ADAMTS16: variants seen among roughly 807,000 people sequenced by gnomAD.
ADAMTS16 encodes the protein ADAM metallopeptidase with thrombospondin type 1 motif 16, also known as A disintegrin and metalloproteinase with thrombospondin motifs 16.
Under a neutral mutation model 145.8 loss-of-function variants are expected in ADAMTS16, and 94 were observed. The ratio of observed to expected loss-of-function variants is 0.64; its 90% confidence interval spans 0.55 to 0.77. The LOEUF is 0.77. Ranked by LOEUF, ADAMTS16 falls within the 30% of genes least tolerant of loss-of-function variation. ADAMTS16 has a pLI of 0.00. For synonymous variants in ADAMTS16, 659 were observed against 604.3 expected, an observed-to-expected ratio of 1.09 and a Z score of -1.33; for missense variants, 1,585 against 1,591.5, an observed-to-expected ratio of 1.00 and a Z score of 0.07.
At chr5:5,199,008 T>C (rs763907826) in intron 8 of ADAMTS16, among the ~76,000 whole-genome samples, 3 of 152,230 alleles carry the variant, frequency 2.0e-5, no homozygotes, top group Non-Finnish European at 4.4e-5. Context: ...GTGCCAGACA[T>C]TAATGGCAAT....
intron 11 of ADAMTS16, among the ~76,000 whole-genome samples, chr5:5,230,428 T>C (rs964411823): frequency 8.5e-5 from 13 of 152,190 alleles, no homozygotes; most frequent in Admixed American, 2.6e-4. Context: ...GGTGTTGTGG[T>C]TATGTTTTTT....
intron 17 of ADAMTS16, among the ~76,000 whole-genome samples, chr5:5,255,962 A>G (rs1035509550): frequency 3.9e-5 from 6 of 152,188 alleles, no homozygotes; most frequent in South Asian, 2.1e-4. Flanking sequence ...ATACTGCTTT[A>G]GCTACATTCC....
At chr5:5,179,852 C>T (rs1735293072) in intron 3 of ADAMTS16, among the ~76,000 whole-genome samples, 1 of 152,186 alleles carries the variant, frequency 6.6e-6, no homozygotes, top group Non-Finnish European at 1.5e-5. Context: ...TTACCTTTGT[C>T]TTGCCTCCTC....
chr5:5,274,044 C>T (rs1486274828), intron 18 of ADAMTS16, among the ~76,000 whole-genome samples: 2 of 152,102 alleles, frequency 1.3e-5, no homozygotes, highest in African/African-American at 4.8e-5. Flanking sequence ...TTTTTAAAGA[C>T]CTTTTTTTCC....
chr5:5,304,403 G>A (rs1739936529), intron 20 of ADAMTS16, among the ~76,000 whole-genome samples: 1 of 151,984 alleles, frequency 6.6e-6, no homozygotes, highest in Admixed American at 6.5e-5. Context: ...GGACCAAGTG[G>A]TTCCAAAAGC....
At chr5:5,191,136 G>A (rs1364042026) in intron 7 of ADAMTS16, among the ~76,000 whole-genome samples, 1 of 152,168 alleles carries the variant, frequency 6.6e-6, no homozygotes, top group African/African-American at 2.4e-5. Flanking sequence ...GTGTGTGCCT[G>A]TTTCCCCCGA....
intron 18 of ADAMTS16, among the ~76,000 whole-genome samples, chr5:5,289,869 T>A (rs543805983): frequency 6.6e-6 from 1 of 152,194 alleles, no homozygotes; most frequent in African/African-American, 2.4e-5. Context: ...TTGGGCTAGA[T>A]GAAAGCATCC....
Position 5,269,260 on chromosome 5 carries a change from T to C in ADAMTS16, c.2789+6477T>C, listed in dbSNP as rs11746278. On this transcript the variant is annotated intron_variant, in intron 18 of 22. Transcript: ENST00000274181. The surrounding 1 kb of genome is among the most constrained non-coding windows in gnomAD (Gnocchi z 4.3). ...CCCCTCACCAGCACCTGAGCTGCCTTGCTTCACCCTCGCTCCCCTATACTA... is the reference window on the plus strand; with the variant it reads ...CCCCTCACCAGCACCTGAGCTGCCTCGCTTCACCCTCGCTCCCCTATACTA... Among the ~76,000 whole-genome samples, 21 of 151,688 alleles carry C rather than the reference T, an allele frequency of 1.4e-4. No individual in the cohort carries two copies. The highest frequency in any genetic ancestry group is 5.1e-4 in the African/African-American group (21 of 41,242).
rs199942396 is a variant in ADAMTS16, at chr5:5,320,097, C to T, written c.*959C>T. On this transcript the variant is annotated 3_prime_UTR_variant, in exon 23 of 23. Transcript: ENST00000274181. This position sits in a 1 kb window ranked among gnomAD's most constrained non-coding sequence, Gnocchi z 5.1. ...TGTGAGATTTTAATCTTTTTTTTTT[C>T]GGTGAGTCTGGCCATTTCTATAATG... is the stretch of plus-strand genomic sequence containing the variant. The T allele has an allele frequency of 1.3e-4, 38 of 284,046 alleles. No homozygotes were observed. In the Middle Eastern group the frequency reaches 3.5e-3, roughly 26 times the overall value. 17.6% of individuals were successfully genotyped at this position (284,046 alleles called of 1,614,324 possible). A position where few individuals can be genotyped will look rare whatever the true frequency, so the allele number is the denominator to read the frequency against.
rs74505249 is a variant in ADAMTS16 at position 5,168,257 on chromosome 5, C to T, written c.502-13787C>T. Among the ~76,000 whole-genome samples, 181 of 151,620 alleles carry T rather than the reference C, an allele frequency of 1.2e-3. 4 individuals carry two copies. In the East Asian group the frequency reaches 0.024, roughly 20 times the overall value. On this transcript the variant is annotated intron_variant, in intron 3 of 22. Transcript: ENST00000274181. ...TTTCCTTCATTCCATTTTTATGAGG[C>T]ATGTCCATTTTGGTGTAAAAATTAG...
In ADAMTS16 at chr5:5,166,909, C is replaced by T. The variant is rs2126535308; in HGVS notation, c.502-15135C>T. 2.6e-5 allele frequency among the ~76,000 whole-genome samples: 4 copies of T among 152,322 alleles called. No homozygotes were observed. In the Middle Eastern group the frequency reaches 0.01, roughly 389 times the overall value. ...TACAGCATCTCTTCCCTCCGCTGGG[C>T]CCACGGCCTTCCCTCCTGTATGCTC... On this transcript the variant is annotated intron_variant, in intron 3 of 22. Coordinates refer to ENST00000274181, the MANE Select transcript of ADAMTS16 (RefSeq NM_139056.4).
At chr5:5,313,069 T>C (rs936273344) in intron 21 of ADAMTS16, among the ~76,000 whole-genome samples, 4 of 152,250 alleles carry the variant, frequency 2.6e-5, no homozygotes, top group East Asian at 3.8e-4. Context: ...GTATCTTCAA[T>C]AGCTGTTGCC....
chr5:5,309,279 G>C (rs1025413161), intron 21 of ADAMTS16, among the ~76,000 whole-genome samples: 1 of 152,112 alleles, frequency 6.6e-6, no homozygotes, highest in African/African-American at 2.4e-5. Flanking sequence ...ACACTTCTTC[G>C]TTCTCATGGC....
intron 2 of ADAMTS16, among the ~76,000 whole-genome samples, chr5:5,144,601 C>T (rs1385258052): frequency 1.3e-5 from 2 of 152,088 alleles, no homozygotes; most frequent in African/African-American, 2.4e-5. Context: ...GGTGATTTCC[C>T]AGGTCAAAGT....
At chr5:5,156,095 C>T (rs181809184) in intron 3 of ADAMTS16, among the ~76,000 whole-genome samples, 18 of 152,064 alleles carry the variant, frequency 1.2e-4, no homozygotes, top group South Asian at 1.0e-3. Flanking sequence ...TTAGACTGTC[C>T]GCATTGTGTG....
At chr5:5,243,740 C>T (rs919245) in intron 17 of ADAMTS16, among the ~76,000 whole-genome samples, 10 of 152,022 alleles carry the variant, frequency 6.6e-5, no homozygotes, top group African/African-American at 1.9e-4. Flanking sequence ...AATGGCCAGT[C>T]GATGATTCTG....
chr5:5,224,167 T>C (rs1476375673), intron 11 of ADAMTS16, among the ~76,000 whole-genome samples: 1 of 152,186 alleles, frequency 6.6e-6, no homozygotes, highest in Non-Finnish European at 1.5e-5. Flanking sequence ...ATGCTTTTTT[T>C]TTCAGTTCCT....
intron 17 of ADAMTS16, among the ~76,000 whole-genome samples, chr5:5,258,899 TA>T (rs371383072): frequency 6.6e-6 from 1 of 152,176 alleles, no homozygotes; most frequent in Non-Finnish European, 1.5e-5. Context: ...TGTATATTTT[TA>T]AAAGGCAATG....
intron 9 of ADAMTS16, 29 bp from the exon 10 acceptor site, chr5:5,209,064 A>G (rs1173072648): frequency 2.7e-5 from 44 of 1,603,692 alleles, no homozygotes; most frequent in Non-Finnish European, 3.7e-5. Context: ...ACGGGCAGTT[A>G]CTAGTAGCTC....
Sources: gnomAD v4.1 joint callset for allele counts (sites outside exome capture counted in the v4.1 genomes callset) on GRCh38, gnomAD v4.1.1 for gene constraint, Gnocchi (gnomAD v3.1) non-coding constraint, MANE v1.5 for transcripts, NCBI Gene and HGNC (gene_info 2026-07-23, HGNC 2026-07-21) for gene names.